MTMR3: variants seen among roughly 807,000 people sequenced by gnomAD.
MTMR3 encodes phosphatidylinositol-3,5-bisphosphate 3-phosphatase MTMR3.
In MTMR3, 32 loss-of-function variants were observed where a neutral mutation model predicts 132.4. The observed-to-expected ratio is 0.24, with a 90% confidence interval of 0.18 to 0.32. MTMR3 has a LOEUF of 0.32. Among genes scored for constraint, MTMR3 ranks in the 10% least tolerant of loss-of-function variants. The pLI, the probability that MTMR3 is intolerant of heterozygous loss-of-function variation, is 1.00. For synonymous variants in MTMR3, 556 were observed against 550.3 expected (o/e 1.01, Z -0.14); for missense variants, 1,216 against 1,489.6 (o/e 0.82, Z 3.02).
At chr22:29,891,043 T>C (rs1216042664) in intron 1 of MTMR3, among the ~76,000 whole-genome samples, 1 of 147,832 alleles carries the variant, frequency 6.8e-6, no homozygotes, top group African/African-American at 2.5e-5. Context: ...AAAAAAAAGA[T>C]GAGATGGGAA....
chr22:29,977,389 C>G (rs1013535016), intron 3 of MTMR3, among the ~76,000 whole-genome samples: 7 of 152,294 alleles, frequency 4.6e-5, no homozygotes, highest in Non-Finnish European at 8.8e-5. Context: ...CATAAAAATT[C>G]ATAATGCAAA....
intron 2 of MTMR3, among the ~76,000 whole-genome samples, chr22:29,964,793 G>A (rs139811948): frequency 1.2e-4 from 19 of 152,102 alleles, no homozygotes; most frequent in African/African-American, 1.2e-4. Flanking sequence ...ATCAAATCAC[G>A]TCACTCTGCT....
Position 30,022,345 on chromosome 22 carries a change from C to G in MTMR3, c.3336+206C>G, listed in dbSNP as rs569664103. 3.8e-5 allele frequency: 23 copies of G among 609,276 alleles called. No individual in the cohort carries two copies. In the South Asian group the frequency reaches 4.5e-4, roughly 12 times the overall value. 37.7% of individuals were successfully genotyped at this position (609,276 alleles called of 1,614,324 possible). On this transcript the variant is annotated intron_variant, in intron 18 of 19. Transcript: ENST00000401950. ...ACTCAGCAAGCTGGCCCTCCCTCTT[C>G]ATTGCCTCTATGAACTGGAGCCTTG...
chr22:29,890,460 G>A (rs577721627), intron 1 of MTMR3, among the ~76,000 whole-genome samples: 323 of 152,142 alleles, frequency 2.1e-3, no homozygotes, highest in Non-Finnish European at 3.4e-3. Flanking sequence ...AGAGGTTGCA[G>A]TGAGCCGAGA....
intron 5 of MTMR3, chr22:29,986,342 A>G (rs2066857410): frequency 6.5e-6 from 1 of 153,762 alleles, no homozygotes; most frequent in Non-Finnish European, 1.4e-5. Context: ...TGAGTAAGGT[A>G]GTTAGCAGGA....
intron 1 of MTMR3, among the ~76,000 whole-genome samples, chr22:29,902,518 C>T (rs2065021267): frequency 6.6e-6 from 1 of 151,842 alleles, no homozygotes; most frequent in East Asian, 1.9e-4. Context: ...AGGCGCCCAC[C>T]ACCACGCCTG....
At chr22:29,941,244 AT>A (rs1376866980) in intron 1 of MTMR3, among the ~76,000 whole-genome samples, 2 of 152,150 alleles carry the variant, frequency 1.3e-5, no homozygotes, top group South Asian at 2.1e-4. Flanking sequence ...TAGTTTGTTC[AT>A]TTTTATTGCT....
Position 30,020,041 on chromosome 22 carries a change from G to A in MTMR3, c.2382G>A (p.Glu794=). 4 of 1,614,206 alleles carry A rather than the reference G, an allele frequency of 2.5e-6. No individual in the cohort carries two copies. In the East Asian group the frequency reaches 6.7e-5, roughly 27 times the overall value. ...AGGATTCCCTGGAGGTCCCTGTGGA[G>A]CAGTTTCGAATAGAAGAGATTGCAG... ...RGEDSLEVPV[E]QFRIEEIAEG... is the part of the protein sequence containing the mutation. The change falls in exon 17 of 20, where the codon GAG becomes GAA. Residue 794 remains glutamate (E), a synonymous_variant. Transcript: ENST00000401950.
intron 1 of MTMR3, among the ~76,000 whole-genome samples, chr22:29,928,086 G>A (rs547522660): frequency 1.9e-4 from 29 of 150,076 alleles, no homozygotes; most frequent in African/African-American, 5.6e-4. Context: ...GACTACAGGC[G>A]CAAACCACCA....
intron 1 of MTMR3, among the ~76,000 whole-genome samples, chr22:29,942,359 T>C (rs2065872664): frequency 1.3e-5 from 2 of 152,058 alleles, no homozygotes; most frequent in Non-Finnish European, 2.9e-5. Flanking sequence ...GGTAATAAAA[T>C]ATCACAAGGC....
intron 1 of MTMR3, among the ~76,000 whole-genome samples, chr22:29,901,082 G>A (rs1215485480): frequency 1.3e-5 from 2 of 152,078 alleles, no homozygotes; most frequent in South Asian, 4.1e-4. Flanking sequence ...ATCTGTTAGA[G>A]AGTTTTTGAA....
intron 11 of MTMR3, 139 bp downstream of exon 11, chr22:30,008,171 T>G (rs943087531): frequency 9.0e-5 from 97 of 1,077,488 alleles, no homozygotes; most frequent in Non-Finnish European, 1.2e-4. Context: ...CCAGAGCTTC[T>G]CTTTGGATTC....
intron 10 of MTMR3, 98 bp downstream of exon 10, chr22:30,007,417 T>A: frequency 8.3e-7 from 1 of 1,204,060 alleles, no homozygotes; most frequent in Non-Finnish European, 1.2e-6. Context: ...TTTACTTTTA[T>A]AGAAGTGAAT....
In MTMR3 at chr22:30,027,187, C is replaced by G. The variant is rs1004366973; in HGVS notation, c.*1386C>G. On this transcript the variant is annotated 3_prime_UTR_variant, in exon 20 of 20. Coordinates refer to ENST00000401950, the MANE Select transcript of MTMR3 (RefSeq NM_021090.4). ...GTGCCTGCCCTCCCTCTTGGGGAGG[C>G]CATGCTTGACTCTGCTGAAAGCTGC... 6.5e-6 allele frequency: 1 copy of G among 152,992 alleles called. No individual in the cohort carries two copies. The highest frequency in any genetic ancestry group is 6.5e-5 in the Admixed American group (1 of 15,312). The allele number at this position is 152,992 out of a possible 1,614,324, so 9.5% of individuals were successfully genotyped here. A position where few individuals can be genotyped will look rare whatever the true frequency, so the allele number is the denominator to read the frequency against.
rs144636226 is a variant in MTMR3 at position 30,020,479 on chromosome 22, G to A, written c.2820G>A (p.Glu940=). The A allele has an allele frequency of 8.5e-4, 1,364 of 1,614,158 alleles. 13 individuals carry two copies. In the African/African-American group the frequency reaches 0.016, roughly 19 times the overall value. The change falls in exon 17 of 20, where the codon GAG becomes GAA. Residue 940 remains glutamate, a synonymous_variant. Transcript: ENST00000401950. ...CAGAGACTGAAAACAGGGCCTCAGA[G>A]CAGCCCCCAGGTCTTAGCACCCTCC... ...GAPETENRAS[E]QPPGLSTLQM...
intron 7 of MTMR3, chr22:29,994,059 G>A: frequency 2.1e-6 from 2 of 959,172 alleles, no homozygotes; most frequent in Non-Finnish European, 2.5e-6. Flanking sequence ...GGCTGATCCA[G>A]GTATCCTGAA....
intron 1 of MTMR3, among the ~76,000 whole-genome samples, chr22:29,898,912 CTTT>C (rs199656050): frequency 1.4e-5 from 2 of 142,978 alleles, no homozygotes; most frequent in Non-Finnish European, 1.5e-5. Context: ...TTTCTCACAT[CTTT>C]TTTTTTTTTT....
At chr22:29,900,680 T>C (rs1021200187) in intron 1 of MTMR3, among the ~76,000 whole-genome samples, 11 of 152,186 alleles carry the variant, frequency 7.2e-5, no homozygotes, top group African/African-American at 2.7e-4. Context: ...AGTTAAATAA[T>C]TTGCCTAGGT....
chr22:29,936,041 T>C (rs1270330846), intron 1 of MTMR3, among the ~76,000 whole-genome samples: 1 of 149,226 alleles, frequency 6.7e-6, no homozygotes, highest in Non-Finnish European at 1.5e-5. Context: ...CGTGAGTCAC[T>C]GTGCCCGGCC....
Sources: allele counts gnomAD v4.1 joint callset (sites outside exome capture counted in the v4.1 genomes callset), GRCh38; gene constraint gnomAD v4.1.1; transcripts MANE v1.5; gene names NCBI Gene and HGNC (gene_info 2026-07-23, HGNC 2026-07-21).